The following CHN1 variants were observed in gnomAD, a reference collection of about 807,000 sequenced individuals.
The protein encoded by CHN1 is N-chimaerin.
In CHN1, 37 loss-of-function variants were observed where a neutral mutation model predicts 59.5. The observed-to-expected ratio is 0.62, with a 90% CI of 0.48 to 0.82. The LOEUF (loss-of-function observed/expected upper bound fraction) is 0.82. CHN1 is among the 40% of genes least tolerant of loss of function. CHN1 has a pLI of 0.00. For synonymous variants in CHN1, 206 were observed against 200.4 expected, an observed-to-expected ratio of 1.03 and a Z score of -0.24; for missense variants, 469 against 571.0, an observed-to-expected ratio of 0.82 and a Z score of 1.82.
intron 6 of CHN1, among the ~76,000 whole-genome samples, chr2:174,862,288 T>C (rs1355357726): frequency 6.6e-6 from 1 of 152,164 alleles, no homozygotes; most frequent in Non-Finnish European, 1.5e-5. Flanking sequence ...TTCAGGGTTT[T>C]TGAGATACTA....
At position 174,805,172 on chromosome 2, in the gene CHN1, A is replaced by G. The variant is rs141047936; in HGVS notation, c.1103-3360T>C. 4.5e-3 allele frequency among the ~76,000 whole-genome samples: 680 copies of G among 152,352 alleles called. 6 individuals carry two copies. The highest frequency in any genetic ancestry group is 0.015 in the African/African-American group (641 of 41,580). ...TGCCAATGGGAGAGAGTTATGAAAT[A>G]AAAACAGGCAGATTTCTATTGTACA... is the stretch of plus-strand genomic sequence containing the variant. On this transcript the variant is annotated intron_variant, in intron 11 of 12. Coordinates refer to ENST00000409900, the MANE Select transcript of CHN1 (RefSeq NM_001822.7).
At position 174,987,147 on chromosome 2, in the gene CHN1, G is replaced by T. The variant is rs546757576; in HGVS notation, c.19+17747C>A. On this transcript the variant is annotated intron_variant, in intron 1 of 12. Transcript: ENST00000409900. ...CGTTAATCAATTGTTTATGTTATTG[G>T]TAAGGTTTCCAGTAACCAGTGGGTT... Among the ~76,000 whole-genome samples the T allele has an allele frequency of 1.2e-4, 19 of 152,276 alleles. No homozygotes were observed. The East Asian group carries it at 3.5e-3, about 28-fold the overall frequency.
chr2:174,921,061 C>A, intron 3 of CHN1: 1 of 395,522 alleles, frequency 2.5e-6, no homozygotes, highest in Non-Finnish European at 5.4e-6. Flanking sequence ...GGAGGCAGAG[C>A]TCAGGCAATA....
At chr2:174,864,403 C>T (rs189580989) in intron 6 of CHN1, among the ~76,000 whole-genome samples, 19 of 152,070 alleles carry the variant, frequency 1.2e-4, no homozygotes, top group Admixed American at 9.2e-4. Context: ...CTGTTGAAGA[C>T]GTAAATGTAT....
intron 6 of CHN1, among the ~76,000 whole-genome samples, chr2:174,874,433 GA>G (rs1301165976): frequency 1.3e-5 from 2 of 152,076 alleles, no homozygotes; most frequent in Non-Finnish European, 2.9e-5. Flanking sequence ...GGAAGCAACT[GA>G]AATAGTTAAT....
intron 6 of CHN1, chr2:174,847,854 AT>A (rs1686588491): frequency 3.4e-5 from 15 of 438,002 alleles, no homozygotes; most frequent in East Asian, 6.9e-5. Context: ...GCAAAATGGA[AT>A]TTTTTTAACC....
intron 5 of CHN1, among the ~76,000 whole-genome samples, chr2:174,879,556 T>TA (rs1324793243): frequency 6.6e-6 from 1 of 152,184 alleles, no homozygotes; most frequent in Admixed American, 6.5e-5. Flanking sequence ...TTATAAAGCC[T>TA]AAAAAATTAG....
At position 174,952,218 on chromosome 2, in the gene CHN1, T is replaced by A. The variant is rs765402612; in HGVS notation, c.20-16A>T. Reference sequence around the variant, plus strand: ...TCATCTGTATCTGAAAGAAAAAACATCAAATTAACATTACTGAATATTTAA... The same window carrying A: ...TCATCTGTATCTGAAAGAAAAAACAACAAATTAACATTACTGAATATTTAA... On this transcript the variant is annotated splice_polypyrimidine_tract_variant and intron_variant, in intron 1 of 12. Transcript: ENST00000409900. The A allele has an allele frequency of 7.4e-7, 1 of 1,360,294 alleles. No homozygotes were observed. The highest frequency in any genetic ancestry group is 1.5e-5 in the South Asian group (1 of 64,822). 84.3% of individuals were successfully genotyped at this position (1,360,294 alleles called of 1,614,324 possible).
intron 6 of CHN1, among the ~76,000 whole-genome samples, chr2:174,875,494 T>C (rs757973979): frequency 1.3e-4 from 20 of 152,150 alleles, no homozygotes; most frequent in South Asian, 4.1e-4. Flanking sequence ...GACCACCTAG[T>C]CCAAAGCCTT....
intron 6 of CHN1, among the ~76,000 whole-genome samples, chr2:174,849,358 T>C (rs1686652429): frequency 6.6e-6 from 1 of 152,132 alleles, no homozygotes; most frequent in African/African-American, 2.4e-5. Context: ...GTCAAGAAAT[T>C]CTGGATTAAC....
intron 1 of CHN1, among the ~76,000 whole-genome samples, chr2:174,985,764 T>G (rs1691318369): frequency 6.6e-6 from 1 of 152,204 alleles, no homozygotes; most frequent in Non-Finnish European, 1.5e-5. Context: ...GAGTCTTGAC[T>G]AAAGCTTCTA....
Position 175,004,977 on chromosome 2 carries a change from C to T in CHN1, c.-65G>A. 1 of 1,509,418 alleles carries T rather than the reference C, an allele frequency of 6.6e-7. No individual in the cohort carries two copies. Among genetic ancestry groups the T allele is most frequent in the African/African-American group, 1.4e-5 (1 of 70,070 alleles). 93.5% of individuals were successfully genotyped at this position (1,509,418 alleles called of 1,614,324 possible). ...CTCCCAGGCGGGCTAGGGATCACCT[C>T]ATCAGCCCGCCGCACCCACACCTCG... is the stretch of plus-strand genomic sequence containing the variant. On this transcript the variant is annotated 5_prime_UTR_variant, in exon 1 of 13. An upstream start codon of the reference 5' UTR is lost. Coordinates refer to ENST00000409900, the MANE Select transcript of CHN1 (RefSeq NM_001822.7).
intron 1 of CHN1, among the ~76,000 whole-genome samples, chr2:174,979,712 C>A (rs1691076900): frequency 6.6e-6 from 1 of 152,070 alleles, no homozygotes; most frequent in South Asian, 2.1e-4. Context: ...GAAACCCCAT[C>A]TCTACTAAAA....
chr2:174,934,239 C>T (rs1253677636), intron 3 of CHN1, among the ~76,000 whole-genome samples: 1 of 152,184 alleles, frequency 6.6e-6, no homozygotes, highest in African/African-American at 2.4e-5. Context: ...TTTCTTGCAA[C>T]TAGACAGTCT....
intron 5 of CHN1, among the ~76,000 whole-genome samples, chr2:174,903,623 T>C (rs1688456538): frequency 6.6e-6 from 1 of 152,228 alleles, no homozygotes; most frequent in Non-Finnish European, 1.5e-5. Flanking sequence ...GCTGCTTTTA[T>C]AACAGAAATA....
At chr2:174,923,603 T>G (rs1689080902) in intron 3 of CHN1, among the ~76,000 whole-genome samples, 1 of 151,326 alleles carries the variant, frequency 6.6e-6, no homozygotes, top group Non-Finnish European at 1.5e-5. Context: ...TAAAGGAGAG[T>G]TTTTTAAAAT....
At chr2:175,000,440 A>AT (rs911437037) in intron 1 of CHN1, among the ~76,000 whole-genome samples, 12 of 151,118 alleles carry the variant, frequency 7.9e-5, no homozygotes, top group Admixed American at 2.0e-4. Flanking sequence ...ACCTGGCCTG[A>AT]TTTTTTTTGT....
intron 11 of CHN1, among the ~76,000 whole-genome samples, chr2:174,803,384 T>C (rs1684789786): frequency 1.3e-5 from 2 of 152,238 alleles, no homozygotes; most frequent in Non-Finnish European, 2.9e-5. Flanking sequence ...TCCTGGCTCA[T>C]TTCTTTGAAT....
intron 6 of CHN1, among the ~76,000 whole-genome samples, chr2:174,865,759 C>T (rs762585357): frequency 6.6e-5 from 10 of 152,150 alleles, no homozygotes; most frequent in Non-Finnish European, 1.3e-4. Context: ...CACGTCTATA[C>T]TTAAACCTGT....
Sources: gnomAD v4.1 joint callset for allele counts (sites outside exome capture counted in the v4.1 genomes callset) on GRCh38, gnomAD v4.1.1 for gene constraint, MANE v1.5 for transcripts, NCBI Gene and HGNC (gene_info 2026-07-23, HGNC 2026-07-21) for gene names.